The following SEC62 variants were observed in gnomAD, a reference collection of about 807,000 sequenced individuals.
The protein encoded by SEC62 is translocation protein SEC62.
SEC62 carries 10 observed loss-of-function variants against 47.5 expected under a neutral mutation model. The observed-to-expected ratio is 0.21, with a 90% CI of 0.13 to 0.36. The LOEUF (loss-of-function observed/expected upper bound fraction) is 0.36. Among genes scored for constraint, SEC62 ranks in the 10% least tolerant of loss-of-function variants. The pLI, the probability that SEC62 is intolerant of heterozygous loss-of-function variation, is 1.00. For synonymous variants in SEC62, 136 were observed against 150.5 expected (o/e 0.90, Z 0.71); for missense variants, 327 against 464.1 (o/e 0.70, Z 2.71).
Position 169,994,802 on chromosome 3 carries a change from A to G in SEC62, c.*1739A>G, listed in dbSNP as rs1330543737. ...TTCATTAACCTTTACTATTACTGTG[A>G]TAATACCCAGGCACTCAATATTCAT... On this transcript the variant is annotated 3_prime_UTR_variant, in exon 8 of 8. Coordinates refer to ENST00000337002, the MANE Select transcript of SEC62 (RefSeq NM_003262.4). 6.6e-6 allele frequency: 1 copy of G among 152,124 alleles called. No individual in the cohort carries two copies. Among genetic ancestry groups the G allele is most frequent in the Non-Finnish European group, 1.5e-5 (1 of 67,996 alleles). 9.4% of individuals were successfully genotyped at this position (152,124 alleles called of 1,614,324 possible). A position where few individuals can be genotyped will look rare whatever the true frequency, so the allele number is the denominator to read the frequency against.
At chr3:169,985,037 C>G (rs1184650739) in intron 5 of SEC62, 2 of 151,908 alleles carry the variant, frequency 1.3e-5, no homozygotes, top group African/African-American at 2.4e-5. Context: ...CTATGTTCAC[C>G]AAGCATGATC....
intron 5 of SEC62, among the ~76,000 whole-genome samples, chr3:169,984,568 G>A (rs1364823874): frequency 6.6e-6 from 1 of 152,122 alleles, no homozygotes; most frequent in East Asian, 1.9e-4. Flanking sequence ...ATGGGTGCTT[G>A]GTATCCTGAG....
intron 1 of SEC62, among the ~76,000 whole-genome samples, chr3:169,968,819 A>G (rs1576854063): frequency 6.6e-6 from 1 of 152,250 alleles, no homozygotes; most frequent in South Asian, 2.1e-4. Context: ...TTGAGGATTG[A>G]TTATTAAAAT....
Position 169,992,534 on chromosome 3 carries a change from A to G in SEC62, c.731-60A>G. ...CTGTTTTCCCAGCTTTTTATTAACAAATACTCCCTTCTGAGGCAGTGTTTG... is the reference window on the plus strand; with the variant it reads ...CTGTTTTCCCAGCTTTTTATTAACAGATACTCCCTTCTGAGGCAGTGTTTG... On this transcript the variant is annotated intron_variant, in intron 7 of 7. Transcript: ENST00000337002. The surrounding 1 kb of genome is among the most constrained non-coding windows in gnomAD (Gnocchi z 4.0). 1.7e-6 allele frequency: 2 copies of G among 1,148,650 alleles called. No homozygotes were observed. The highest frequency in any genetic ancestry group is 2.5e-6 in the Non-Finnish European group (2 of 790,482). The allele number at this position is 1,148,650 out of a possible 1,614,324, so 71.2% of individuals were successfully genotyped here.
intron 3 of SEC62, 123 bp from the exon 4 acceptor site, chr3:169,982,584 T>C (rs1309596372): frequency 1.7e-6 from 2 of 1,154,450 alleles, no homozygotes; most frequent in African/African-American, 1.5e-5. Context: ...GCATACTAGT[T>C]GTAATTTCTC....
chr3:169,979,918 C>T (rs1043009701), intron 3 of SEC62, among the ~76,000 whole-genome samples: 1 of 151,946 alleles, frequency 6.6e-6, no homozygotes, highest in Admixed American at 6.6e-5. Flanking sequence ...TAAAAACTCA[C>T]CTTTGCCACA....
intron 1 of SEC62, among the ~76,000 whole-genome samples, chr3:169,967,603 C>T (rs770775357): frequency 2.6e-5 from 4 of 152,166 alleles, no homozygotes; most frequent in African/African-American, 7.2e-5. Context: ...ACATCTCCCC[C>T]TAATTCCACA....
At chr3:169,973,969 T>C (rs953056579) in intron 1 of SEC62, among the ~76,000 whole-genome samples, 2 of 152,236 alleles carry the variant, frequency 1.3e-5, no homozygotes, top group Non-Finnish European at 2.9e-5. Flanking sequence ...ATCTAACAAA[T>C]TATTCCTTTT....
intron 1 of SEC62, among the ~76,000 whole-genome samples, chr3:169,971,052 T>G (rs1051049436): frequency 1.3e-5 from 2 of 151,620 alleles, no homozygotes; most frequent in African/African-American, 4.9e-5. Flanking sequence ...AACTATCTGT[T>G]CATGTTCTCA....
intron 5 of SEC62, chr3:169,985,101 A>T (rs1025437395): frequency 1.3e-5 from 2 of 151,950 alleles, no homozygotes; most frequent in Non-Finnish European, 2.9e-5. Flanking sequence ...GAGTTGAGTG[A>T]TACTAGATCT....
At chr3:169,980,595 T>A (rs560538953) in intron 3 of SEC62, among the ~76,000 whole-genome samples, 55 of 152,350 alleles carry the variant, frequency 3.6e-4, no homozygotes, top group African/African-American at 1.3e-3. Context: ...CTTCAGTATC[T>A]ACTCATCAGG....
intron 5 of SEC62, among the ~76,000 whole-genome samples, chr3:169,984,800 T>C (rs767653594): frequency 2.6e-5 from 4 of 152,144 alleles, no homozygotes; most frequent in African/African-American, 7.2e-5. Flanking sequence ...TAAAGAGTTC[T>C]GGTCAATATA....
intron 3 of SEC62, among the ~76,000 whole-genome samples, chr3:169,977,779 C>A (rs1714873222): frequency 6.6e-6 from 1 of 151,680 alleles, no homozygotes; most frequent in Non-Finnish European, 1.5e-5. Context: ...TTTCATAACA[C>A]TAAAGCTTAT....
At chr3:169,981,373 C>T (rs1714969272) in intron 3 of SEC62, among the ~76,000 whole-genome samples, 1 of 152,144 alleles carries the variant, frequency 6.6e-6, no homozygotes, top group South Asian at 2.1e-4. Flanking sequence ...ATAGGTGCTT[C>T]AGGGGACTGA....
rs961716468 is a variant in SEC62, at chr3:169,995,587, T to C, written c.*2524T>C. ...TACATCATGAGGATCAGTTAGCTGC[T>C]GACAAGAAAAGTCATCTTGTGTCTT... is the stretch of plus-strand genomic sequence containing the variant. On this transcript the variant is annotated 3_prime_UTR_variant, in exon 8 of 8. Transcript: ENST00000337002. 1 of 152,214 alleles carries C rather than the reference T, an allele frequency of 6.6e-6. No homozygotes were observed. The highest frequency in any genetic ancestry group is 2.4e-5 in the African/African-American group (1 of 41,460). 9.4% of individuals were successfully genotyped at this position (152,214 alleles called of 1,614,324 possible). A position where few individuals can be genotyped will look rare whatever the true frequency, so the allele number is the denominator to read the frequency against.
chr3:169,993,022 A>G lies in SEC62; in HGVS notation c.1159A>G (p.Asn387Asp), dbSNP rs770810328. 5 of 1,609,528 alleles carry G rather than the reference A, an allele frequency of 3.1e-6. No individual in the cohort carries two copies. In the East Asian group the frequency reaches 8.9e-5, roughly 29 times the overall value. Residue 387 changes from asparagine to aspartate, a missense_variant, in exon 8 of 8, where the codon AAT becomes GAT. Asn to Asp is a conservative substitution (Grantham distance 23). Transcript: ENST00000337002. ...GDCEEDEEEENDGETPKSSHE... is the reference protein window; with the variant it reads ...GDCEEDEEEEDDGETPKSSHE... ...TTGTGAAGAGGATGAGGAAGAGGAA[A>G]ATGATGGAGAAACACCTAAATCTTC...
In SEC62 at chr3:169,994,013, A is replaced by C. The variant is rs1715312547; in HGVS notation, c.*950A>C. The C allele has an allele frequency of 6.6e-6, 1 of 152,666 alleles. No homozygotes were observed. The highest frequency in any genetic ancestry group is 2.1e-4 in the South Asian group (1 of 4,834). 9.5% of individuals were successfully genotyped at this position (152,666 alleles called of 1,614,324 possible). A position where few individuals can be genotyped will look rare whatever the true frequency, so the allele number is the denominator to read the frequency against. On this transcript the variant is annotated 3_prime_UTR_variant, in exon 8 of 8. Coordinates refer to ENST00000337002, the MANE Select transcript of SEC62 (RefSeq NM_003262.4). ...ATGAGCAAAAACTGATCTTAAGAGC[A>C]GACTTAAAGTAGCTTTGTACGCCTT...
intron 7 of SEC62, among the ~76,000 whole-genome samples, chr3:169,988,794 G>C (rs1715166405): frequency 6.6e-6 from 1 of 152,076 alleles, no homozygotes; most frequent in South Asian, 2.1e-4. Flanking sequence ...AAATAGATGT[G>C]CTTTAAAAAT....
intron 3 of SEC62, among the ~76,000 whole-genome samples, chr3:169,981,473 G>A (rs1714971683): frequency 6.6e-6 from 1 of 152,192 alleles, no homozygotes; most frequent in Admixed American, 6.5e-5. Context: ...CACCAGTGAG[G>A]TGTAAGTAGA....
Sources: allele counts gnomAD v4.1 joint callset (sites outside exome capture counted in the v4.1 genomes callset), GRCh38; gene constraint gnomAD v4.1.1; non-coding constraint Gnocchi (gnomAD v3.1); transcripts MANE v1.5; gene names NCBI Gene and HGNC (gene_info 2026-07-23, HGNC 2026-07-21).